Variants in ARHGAP18 observed in about 807,000 individuals in gnomAD.
The protein encoded by ARHGAP18 is Rho GTPase activating protein 18.
Under a neutral mutation model 86.2 loss-of-function variants are expected in ARHGAP18, and 67 were observed. That is an observed-to-expected ratio of 0.78 (90% CI 0.64 to 0.95). The LOEUF (loss-of-function observed/expected upper bound fraction) is 0.95. Ranked by LOEUF, ARHGAP18 falls within the 40% of genes least tolerant of loss-of-function variation. ARHGAP18 has a pLI of 0.00. For synonymous variants in ARHGAP18, 283 were observed against 280.4 expected (o/e 1.01, Z -0.09); for missense variants, 691 against 780.4 (o/e 0.89, Z 1.37).
rs947758817 is a variant in ARHGAP18, at chr6:129,576,484, G to C, written c.*2029C>G. 6.6e-6 allele frequency: 1 copy of C among 152,280 alleles called. No homozygotes were observed. The highest frequency in any genetic ancestry group is 1.9e-4 in the East Asian group (1 of 5,184). The allele number at this position is 152,280 out of a possible 1,614,324, so 9.4% of individuals were successfully genotyped here. A position where few individuals can be genotyped will look rare whatever the true frequency, so the allele number is the denominator to read the frequency against. On this transcript the variant is annotated 3_prime_UTR_variant, in exon 15 of 15. Transcript: ENST00000368149. ...TCTAAAAAATTTGAGATTTTTTAAA[G>C]TCCATATTTTTTTGTTATTTAAACG...
At chr6:129,653,520 AACTT>A (rs1219380994) in intron 1 of ARHGAP18, among the ~76,000 whole-genome samples, 11 of 152,202 alleles carry the variant, frequency 7.2e-5, no homozygotes, top group Admixed American at 7.2e-4. Context: ...ATGGAGAAAT[AACTT>A]CCAGCCAAGC....
At chr6:129,665,282 C>T (rs971723340) in intron 1 of ARHGAP18, among the ~76,000 whole-genome samples, 1 of 152,196 alleles carries the variant, frequency 6.6e-6, no homozygotes, top group Non-Finnish European at 1.5e-5. Flanking sequence ...CAGTGGCTCA[C>T]GCCTGTAATC....
At chr6:129,647,902 T>C (rs752874441) in intron 1 of ARHGAP18, among the ~76,000 whole-genome samples, 10 of 152,176 alleles carry the variant, frequency 6.6e-5, no homozygotes, top group African/African-American at 1.2e-4. Flanking sequence ...GAATCGAGAT[T>C]AATGCCCTCA....
At chr6:129,617,006 T>C (rs1789112651) in intron 6 of ARHGAP18, among the ~76,000 whole-genome samples, 3 of 152,150 alleles carry the variant, frequency 2.0e-5, no homozygotes, top group Admixed American at 2.0e-4. Flanking sequence ...AAATAGACAT[T>C]GAACACTTTA....
chr6:129,615,741 A>G (rs1789084982), intron 7 of ARHGAP18, among the ~76,000 whole-genome samples: 1 of 152,208 alleles, frequency 6.6e-6, no homozygotes, highest in Admixed American at 6.5e-5. Context: ...AGTGTTGACT[A>G]CACAAGTGAC....
At chr6:129,684,525 T>C (rs1257957461) in intron 1 of ARHGAP18, among the ~76,000 whole-genome samples, 8 of 152,254 alleles carry the variant, frequency 5.3e-5, no homozygotes, top group African/African-American at 1.7e-4. Flanking sequence ...GGGCAAAGTT[T>C]TGAAAGTTCC....
intron 5 of ARHGAP18, among the ~76,000 whole-genome samples, chr6:129,626,793 T>C (rs1420370854): frequency 6.6e-6 from 1 of 152,070 alleles, no homozygotes; most frequent in African/African-American, 2.4e-5. Context: ...ATGCTGTGCA[T>C]TAACTTAGGA....
chr6:129,612,637 G>C (rs1789003746), intron 7 of ARHGAP18, among the ~76,000 whole-genome samples: 3 of 152,240 alleles, frequency 2.0e-5, no homozygotes, highest in South Asian at 4.1e-4. Flanking sequence ...GGAGCTTACT[G>C]TTTTTCCCTT....
Position 129,703,925 on chromosome 6 carries a change from C to T in ARHGAP18, c.113+6099G>A, listed in dbSNP as rs114156654. 3.8e-3 allele frequency among the ~76,000 whole-genome samples: 584 copies of T among 152,192 alleles called. 4 individuals carry two copies. The highest frequency in any genetic ancestry group is 0.013 in the African/African-American group (549 of 41,522). ...TAGAAAAAATAAAATTTAAATATTA[C>T]ACAATTGCATTATAAAAACTCATTA... is the stretch of plus-strand genomic sequence containing the variant. On this transcript the variant is annotated intron_variant, in intron 1 of 14. Coordinates refer to ENST00000368149, the MANE Select transcript of ARHGAP18 (RefSeq NM_033515.3).
intron 10 of ARHGAP18, 86 bp from the exon 11 acceptor site, chr6:129,600,934 T>A: frequency 8.3e-7 from 1 of 1,200,644 alleles, no homozygotes; most frequent in Non-Finnish European, 1.2e-6. Flanking sequence ...TTTTATTTCA[T>A]TGAAAAAACA....
At chr6:129,621,638 C>A (rs1789231475) in intron 5 of ARHGAP18, among the ~76,000 whole-genome samples, 1 of 152,112 alleles carries the variant, frequency 6.6e-6, no homozygotes, top group Admixed American at 6.5e-5. Context: ...TGGCGAAGAT[C>A]AAATGATAAA....
At chr6:129,608,773 C>T (rs1788913171) in intron 8 of ARHGAP18, among the ~76,000 whole-genome samples, 1 of 152,128 alleles carries the variant, frequency 6.6e-6, no homozygotes, top group African/African-American at 2.4e-5. Flanking sequence ...AATCCTATCA[C>T]GTTAAAAACC....
intron 1 of ARHGAP18, among the ~76,000 whole-genome samples, chr6:129,660,968 G>A (rs1465035778): frequency 3.4e-5 from 5 of 148,224 alleles, no homozygotes; most frequent in African/African-American, 1.2e-4. Flanking sequence ...CATTAAAAAC[G>A]GAACCAAGAA....
At chr6:129,707,561 C>T (rs1161776355) in intron 1 of ARHGAP18, among the ~76,000 whole-genome samples, 1 of 152,062 alleles carries the variant, frequency 6.6e-6, no homozygotes, top group African/African-American at 2.4e-5. Context: ...CTCTGCTCCA[C>T]CAGCCTCAAG....
intron 11 of ARHGAP18, 81 bp from the exon 12 acceptor site, chr6:129,599,437 A>T (rs1788691483): frequency 1.7e-6 from 2 of 1,209,678 alleles, no homozygotes; most frequent in South Asian, 2.2e-5. Flanking sequence ...ATATTTTTTT[A>T]AATTTCAAAA....
chr6:129,665,382 C>A (rs374463027), intron 1 of ARHGAP18, among the ~76,000 whole-genome samples: 1 of 151,962 alleles, frequency 6.6e-6, no homozygotes, highest in African/African-American at 2.4e-5. Flanking sequence ...CCCATCTCTA[C>A]TAAAAATACA....
chr6:129,582,353 G>A (rs1476800189), intron 13 of ARHGAP18, among the ~76,000 whole-genome samples: 1 of 152,110 alleles, frequency 6.6e-6, no homozygotes, highest in African/African-American at 2.4e-5. Flanking sequence ...CATATTATTA[G>A]CAAGTAGAGG....
rs35352296 is a variant in ARHGAP18 at position 129,688,792 on chromosome 6, C to CAA, written c.113+21230_113+21231dup. On this transcript the variant is annotated intron_variant, in intron 1 of 14. Coordinates refer to ENST00000368149, the MANE Select transcript of ARHGAP18 (RefSeq NM_033515.3). The stretch of plus-strand genomic sequence containing the variant: ...GGGCAACAAGAATGAAACTCCAAGT[C>CAA]AAAAAAAAAAAATATGCCTTATCAT... 1.8e-3 allele frequency among the ~76,000 whole-genome samples: 269 copies of CAA among 146,094 alleles called. 2 individuals carry two copies. The highest frequency in any genetic ancestry group is 4.6e-3 in the African/African-American group (184 of 39,956).
At chr6:129,586,626 A>G (rs1414617922) in intron 12 of ARHGAP18, among the ~76,000 whole-genome samples, 1 of 152,170 alleles carries the variant, frequency 6.6e-6, no homozygotes, top group Non-Finnish European at 1.5e-5. Context: ...CTGCACTGAC[A>G]TTTAAAGTGA....
Sources: gnomAD v4.1 joint callset for allele counts (sites outside exome capture counted in the v4.1 genomes callset) on GRCh38, gnomAD v4.1.1 for gene constraint, MANE v1.5 for transcripts, NCBI Gene and HGNC (gene_info 2026-07-23, HGNC 2026-07-21) for gene names.